The following WWOX variants were observed in gnomAD, a reference collection of about 807,000 sequenced individuals.
WWOX encodes WW domain containing oxidoreductase.
A neutral mutation model predicts 46.2 loss-of-function variants in WWOX; 69 were observed. The ratio of observed to expected loss-of-function variants is 1.49; its 90% confidence interval spans 1.23 to 1.82. The LOEUF is 1.82. Ranked by LOEUF, WWOX falls within the 40% of genes most tolerant of loss-of-function variation. WWOX has a pLI of 0.00. For synonymous variants in WWOX, 359 were observed against 202.6 expected (o/e 1.77, Z -6.56); for missense variants, 919 against 542.6 (o/e 1.69, Z -6.89).
intron 8 of WWOX, among the ~76,000 whole-genome samples, chr16:78,750,666 C>A (rs8061034): frequency 0.036 from 5,517 of 151,882 alleles, 337 homozygotes; most frequent in African/African-American, 0.13. Context: ...TTTTGAAGTC[C>A]CCAGAGTCTA....
At chr16:78,495,607 C>G (rs1306762108) in intron 8 of WWOX, among the ~76,000 whole-genome samples, 2 of 151,098 alleles carry the variant, frequency 1.3e-5, no homozygotes, top group African/African-American at 4.9e-5. Context: ...CTCCTGGGTT[C>G]AAGTGACTCT....
chr16:78,925,119 T>C (rs1247313700), intron 8 of WWOX, among the ~76,000 whole-genome samples: 1 of 152,140 alleles, frequency 6.6e-6, no homozygotes, highest in Non-Finnish European at 1.5e-5. Flanking sequence ...TGGTTGAGCC[T>C]GGGAGGTCGA....
chr16:78,626,188 T>C (rs1304222056), intron 8 of WWOX, among the ~76,000 whole-genome samples: 1 of 151,988 alleles, frequency 6.6e-6, no homozygotes, highest in East Asian at 1.9e-4. Context: ...TGGAGTGCAG[T>C]GGCGCGATCT....
chr16:78,968,083 T>TGCGTGGTCCGCATGGCACAGC (rs2046396379), intron 8 of WWOX, among the ~76,000 whole-genome samples: 1 of 148,418 alleles, frequency 6.7e-6, no homozygotes, highest in African/African-American at 2.6e-5. Flanking sequence ...TATGGCACAG[T>TGCGTGGTCCGCATGGCACAGC]GCATGGTCCG....
intron 8 of WWOX, among the ~76,000 whole-genome samples, chr16:78,627,176 A>AT (rs1208902509): frequency 6.6e-6 from 1 of 151,892 alleles, no homozygotes; most frequent in Non-Finnish European, 1.5e-5. Context: ...CCCACTTTAC[A>AT]TTTTACTTTG....
At chr16:78,967,457 TG>T (rs1458274334) in intron 8 of WWOX, among the ~76,000 whole-genome samples, 1 of 94,096 alleles carries the variant, frequency 1.1e-5, no homozygotes. Flanking sequence ...TTAATTTTTG[TG>T]GTTTTTTTTT....
chr16:78,493,168 T>C (rs2738718), intron 8 of WWOX, among the ~76,000 whole-genome samples: 47 of 152,102 alleles, frequency 3.1e-4, no homozygotes, highest in Non-Finnish European at 4.9e-4. Flanking sequence ...AAAAACTTCA[T>C]GTCAGTTACT....
chr16:78,564,247 A>G (rs1182511791), intron 8 of WWOX, among the ~76,000 whole-genome samples: 2 of 152,218 alleles, frequency 1.3e-5, no homozygotes, highest in African/African-American at 2.4e-5. Flanking sequence ...AATTGAATGG[A>G]GACAATACTT....
chr16:78,998,198 A>C (rs1399373387), intron 8 of WWOX, among the ~76,000 whole-genome samples: 1 of 152,130 alleles, frequency 6.6e-6, no homozygotes, highest in Non-Finnish European at 1.5e-5. Flanking sequence ...ATTCTTTAAG[A>C]AAACTGCACC....
intron 8 of WWOX, among the ~76,000 whole-genome samples, chr16:79,047,448 C>T (rs577925071): frequency 6.6e-6 from 1 of 152,252 alleles, no homozygotes; most frequent in Admixed American, 6.5e-5. Context: ...GAATGTCAGC[C>T]TGGTCTACCA....
chr16:78,404,675 T>G (rs746157484), intron 6 of WWOX, among the ~76,000 whole-genome samples: 10 of 152,184 alleles, frequency 6.6e-5, no homozygotes, highest in Non-Finnish European at 1.5e-4. Flanking sequence ...TTGGGTTAAT[T>G]TACGTCTTTT....
chr16:79,141,302 A>G (rs562779200), intron 8 of WWOX, among the ~76,000 whole-genome samples: 17 of 152,258 alleles, frequency 1.1e-4, no homozygotes, highest in African/African-American at 3.9e-4. Flanking sequence ...TTCATCTTGC[A>G]TATGTTGATT....
chr16:79,134,461 A>G (rs960288378), intron 8 of WWOX, among the ~76,000 whole-genome samples: 16 of 152,104 alleles, frequency 1.1e-4, no homozygotes, highest in African/African-American at 3.6e-4. Flanking sequence ...GGAGGGAGCT[A>G]TGTGCAGAAT....
chr16:78,448,436 G>C (rs551588737), intron 8 of WWOX, among the ~76,000 whole-genome samples: 1 of 152,238 alleles, frequency 6.6e-6, no homozygotes, highest in East Asian at 1.9e-4. Flanking sequence ...ATCTGCTTTA[G>C]AGTCTCACAG....
At chr16:79,131,871 C>G (rs765084149) in intron 8 of WWOX, among the ~76,000 whole-genome samples, 1 of 152,142 alleles carries the variant, frequency 6.6e-6, no homozygotes, top group Admixed American at 6.5e-5. Flanking sequence ...CAAGGAGGAG[C>G]AAGTCACGTC....
chr16:78,566,224 C>T (rs184895232), intron 8 of WWOX, among the ~76,000 whole-genome samples: 41 of 152,266 alleles, frequency 2.7e-4, no homozygotes, highest in African/African-American at 9.6e-4. Flanking sequence ...TTAGTCACCT[C>T]CCAAAGCCCC....
chr16:78,358,522 G>T (rs551848015), intron 5 of WWOX, among the ~76,000 whole-genome samples: 1 of 152,214 alleles, frequency 6.6e-6, no homozygotes, highest in South Asian at 2.1e-4. Context: ...GCTGGGTGTG[G>T]TGGCACATGC....
intron 8 of WWOX, among the ~76,000 whole-genome samples, chr16:79,129,662 A>G (rs1416840071): frequency 6.6e-6 from 1 of 152,190 alleles, no homozygotes; most frequent in Non-Finnish European, 1.5e-5. Flanking sequence ...GTTGCATCCC[A>G]ACATTCCTTT....
chr16:78,113,081 A>G (rs933739383), intron 3 of WWOX, among the ~76,000 whole-genome samples: 4 of 152,198 alleles, frequency 2.6e-5, no homozygotes, highest in African/African-American at 9.7e-5. Flanking sequence ...ACGCTTGGAA[A>G]GTTACTCCCT....
Sources: allele counts gnomAD v4.1 joint callset (sites outside exome capture counted in the v4.1 genomes callset), GRCh38; gene constraint gnomAD v4.1.1; transcripts MANE v1.5; gene names NCBI Gene and HGNC (gene_info 2026-07-23, HGNC 2026-07-21).